Variants in MED17 observed in about 807,000 individuals in gnomAD.
The protein encoded by MED17 is mediator of RNA polymerase II transcription subunit 17.
In MED17, 49 loss-of-function variants were observed where a neutral mutation model predicts 80.8. The observed-to-expected ratio is 0.61, with a 90% CI of 0.48 to 0.77. MED17 has a LOEUF of 0.77. Among genes scored for constraint, MED17 ranks in the 30% least tolerant of loss-of-function variants. The probability of loss-of-function intolerance (pLI) is 0.00; values close to 1 mark genes in which losing one functional copy is unlikely to be tolerated. For missense variants in MED17, 718 were observed against 787.0 expected (o/e 0.91, Z 1.05); for synonymous variants, 281 against 280.4 (o/e 1.00, Z -0.02).
In MED17 at chr11:93,809,074, A is replaced by C. The variant is rs1414003417; in HGVS notation, c.1585-643A>C. 3 of 159,092 alleles carry C rather than the reference A, an allele frequency of 1.9e-5. No homozygotes were observed. The East Asian group carries it at 5.5e-4, about 29-fold the overall frequency. 9.9% of individuals were successfully genotyped at this position (159,092 alleles called of 1,614,324 possible). ...AGTGTGGTAACCTGCTGCTAGTAGT[A>C]GTAACCAGGTAACCAGGCCCCAGGG... On this transcript the variant is annotated intron_variant, in intron 10 of 11. Transcript: ENST00000251871.
At chr11:93,792,364 C>A (rs1591383972) in intron 3 of MED17, among the ~76,000 whole-genome samples, 1 of 152,228 alleles carries the variant, frequency 6.6e-6, no homozygotes, top group East Asian at 1.9e-4. Context: ...GATGACAAGA[C>A]CATTTAAAAA....
chr11:93,801,353 TTTGA>T (rs1379699047), intron 8 of MED17: 2 of 159,814 alleles, frequency 1.3e-5, no homozygotes, highest in African/African-American at 2.4e-5. Context: ...AGTATAAGGA[TTTGA>T]TTGTGCAAAA....
At chr11:93,795,100 G>GT (rs745591108) in intron 6 of MED17, 40 bp downstream of exon 6, 2 of 1,608,570 alleles carry the variant, frequency 1.2e-6, no homozygotes, top group Non-Finnish European at 1.7e-6. Flanking sequence ...ACAGGACTTT[G>GT]TGTTTTGGGG....
At chr11:93,785,587 CAA>C (rs1352226612) in intron 1 of MED17, among the ~76,000 whole-genome samples, 3 of 152,152 alleles carry the variant, frequency 2.0e-5, no homozygotes, top group Non-Finnish European at 4.4e-5. Context: ...ATACCTCACA[CAA>C]AAATTATTTC....
rs1410123720 is a variant in MED17 at position 93,813,616 on chromosome 11, T to C, written c.*1552T>C. ...TTATATAAACTTCTCCCATTGCAGA[T>C]TGATACTTTGGTAAACTAATAAAAA... is the stretch of plus-strand genomic sequence containing the variant. On this transcript the variant is annotated 3_prime_UTR_variant, in exon 12 of 12. Transcript: ENST00000251871. 2 of 152,214 alleles carry C rather than the reference T, an allele frequency of 1.3e-5. No homozygotes were observed. The highest frequency in any genetic ancestry group is 2.9e-5 in the Non-Finnish European group (2 of 68,034). The allele number at this position is 152,214 out of a possible 1,614,324, so 9.4% of individuals were successfully genotyped here.
intron 8 of MED17, among the ~76,000 whole-genome samples, chr11:93,799,826 TCTTGAC>T (rs1386288444): frequency 6.6e-6 from 1 of 152,114 alleles, no homozygotes; most frequent in Non-Finnish European, 1.5e-5. Context: ...CAGTGAGATC[TCTTGAC>T]ATGCTAATAT....
At chr11:93,790,304 A>G (rs755728759) in intron 2 of MED17, 16 of 537,816 alleles carry the variant, frequency 3.0e-5, no homozygotes, top group Non-Finnish European at 5.0e-5. Flanking sequence ...GCAGTACATT[A>G]AGAGGGGACC....
chr11:93,812,056 C>G lies in MED17; in HGVS notation c.1948C>G (p.Leu650Val), dbSNP rs764341182. Reference protein sequence around the residue: ...ELLMSALSPCLL With the variant: ...ELLMSALSPCVL The stretch of plus-strand genomic sequence containing the variant: ...GCTTATGTCTGCACTTAGCCCTTGT[C>G]TACTATGATTTTTTCCAGATGTTTC... Residue 650 changes from leucine (L) to valine (V), a missense_variant, in exon 12 of 12, where the codon CTA (leucine) becomes GTA (valine). Coordinates refer to ENST00000251871, the MANE Select transcript of MED17 (RefSeq NM_004268.5). 2 of 1,613,898 alleles carry G rather than the reference C, an allele frequency of 1.2e-6. No homozygotes were observed. Among genetic ancestry groups the G allele is most frequent in the East Asian group, 4.5e-5 (2 of 44,860 alleles).
intron 5 of MED17, chr11:93,794,546 T>A: frequency 3.7e-6 from 1 of 269,964 alleles, no homozygotes; most frequent in Non-Finnish European, 7.0e-6. Flanking sequence ...GTTAAAGAAG[T>A]GAGATTTTTA....
intron 8 of MED17, chr11:93,800,904 T>C (rs571669857): frequency 1.4e-4 from 22 of 152,280 alleles, no homozygotes; most frequent in African/African-American, 4.1e-4. Context: ...CCCAAAGTGT[T>C]TTGATTACAG....
intron 8 of MED17, among the ~76,000 whole-genome samples, chr11:93,800,034 T>C (rs960539867): frequency 6.6e-6 from 1 of 152,220 alleles, no homozygotes; most frequent in African/African-American, 2.4e-5. Context: ...TATCCTATAA[T>C]GTAAATACTT....
chr11:93,807,168 T>C (rs1039539835), intron 9 of MED17: 1 of 231,024 alleles, frequency 4.3e-6, no homozygotes, highest in Non-Finnish European at 8.6e-6. Flanking sequence ...TCCCAGCACT[T>C]TGGGAGGCCG....
At position 93,797,662 on chromosome 11, in the gene MED17, G is replaced by C; in HGVS notation, c.1271G>C (p.Ser424Thr). ...DKNEINSLQSSEGLLEKIIKQ... is the reference protein window; with the variant it reads ...DKNEINSLQSTEGLLEKIIKQ... ...AATGAAATTAATTCATTACAGTCCA[G>C]TGAAGGGCTTCTGGAAAAAATAATT... Residue 424 changes from serine (S) to threonine (T), a missense_variant, in exon 8 of 12, where the codon AGT becomes ACT. Coordinates refer to ENST00000251871, the MANE Select transcript of MED17 (RefSeq NM_004268.5). 1 of 1,613,856 alleles carries C rather than the reference G, an allele frequency of 6.2e-7. No homozygotes were observed. Among genetic ancestry groups the C allele is most frequent in the Non-Finnish European group, 8.5e-7 (1 of 1,179,772 alleles).
chr11:93,798,696 A>G (rs149463461), intron 8 of MED17, among the ~76,000 whole-genome samples: 322 of 152,256 alleles, frequency 2.1e-3, no homozygotes, highest in African/African-American at 7.5e-3. Context: ...TTTAGTGTCT[A>G]TGGTCCCCCA....
chr11:93,784,961 T>C, intron 1 of MED17, 198 bp downstream of exon 1: 1 of 727,726 alleles, frequency 1.4e-6, no homozygotes, highest in Non-Finnish European at 2.2e-6. Context: ...GTAATACTCC[T>C]GCGGGTCTCC....
chr11:93,792,391 G>T (rs1226022139), intron 3 of MED17, among the ~76,000 whole-genome samples: 1 of 152,196 alleles, frequency 6.6e-6, no homozygotes, highest in Non-Finnish European at 1.5e-5. Context: ...TAGGTGGTCT[G>T]TAGAAGCAGT....
At chr11:93,786,481 T>G (rs1156669346) in intron 1 of MED17, among the ~76,000 whole-genome samples, 1 of 152,038 alleles carries the variant, frequency 6.6e-6, no homozygotes, top group Non-Finnish European at 1.5e-5. Flanking sequence ...TTGTTTTTTT[T>G]TTTGAGATGG....
Position 93,807,514 on chromosome 11 carries a change from A to T in MED17, c.1467-4A>T. The T allele has an allele frequency of 6.6e-7, 1 of 1,525,482 alleles. No individual in the cohort carries two copies. Among genetic ancestry groups the T allele is most frequent in the South Asian group, 1.1e-5 (1 of 89,298 alleles). The allele number at this position is 1,525,482 out of a possible 1,614,324, so 94.5% of individuals were successfully genotyped here. ...TCTGATTTTTAGTATGTGTGTCTATAAAGGTCCATTCAACTGCAATTGAAT... is the reference window on the plus strand; with the variant it reads ...TCTGATTTTTAGTATGTGTGTCTATTAAGGTCCATTCAACTGCAATTGAAT... On this transcript the variant is annotated splice_region_variant and splice_polypyrimidine_tract_variant and intron_variant, in intron 9 of 11. Coordinates refer to ENST00000251871, the MANE Select transcript of MED17 (RefSeq NM_004268.5).
chr11:93,797,954 A>G (rs1386082288), intron 8 of MED17, among the ~76,000 whole-genome samples: 2 of 152,192 alleles, frequency 1.3e-5, no homozygotes, highest in East Asian at 1.9e-4. Context: ...TGCAAAGACA[A>G]CTGACTAGGA....
Sources: allele counts gnomAD v4.1 joint callset (sites outside exome capture counted in the v4.1 genomes callset), GRCh38; gene constraint gnomAD v4.1.1; transcripts MANE v1.5; gene names NCBI Gene and HGNC (gene_info 2026-07-23, HGNC 2026-07-21).